The following LTBP2 variants were observed in gnomAD, a reference collection of about 807,000 sequenced individuals.
The protein encoded by LTBP2 is latent transforming growth factor beta binding protein 2.
In LTBP2, 103 loss-of-function variants were observed where a neutral mutation model predicts 210.6. The observed-to-expected ratio is 0.49, with a 90% CI of 0.42 to 0.58. LTBP2 has a LOEUF of 0.58. Among genes scored for constraint, LTBP2 ranks in the 20% least tolerant of loss-of-function variants. The pLI is 0.00. For missense variants in LTBP2, 2,313 were observed against 2,494.5 expected, an observed-to-expected ratio of 0.93 and a Z score of 1.55; for synonymous variants, 1,007 against 1,015.0, an observed-to-expected ratio of 0.99 and a Z score of 0.15.
chr14:74,553,598 T>A (rs1199078143), intron 4 of LTBP2, among the ~76,000 whole-genome samples: 1 of 152,064 alleles, frequency 6.6e-6, no homozygotes, highest in African/African-American at 2.4e-5. Context: ...AGAACAAGGA[T>A]CAGGCACTTT....
rs187052141 is a variant in LTBP2 at position 74,499,457 on chromosome 14, T to C, written c.*1427A>G. On this transcript the variant is annotated 3_prime_UTR_variant, in exon 36 of 36. Coordinates refer to ENST00000261978, the MANE Select transcript of LTBP2 (RefSeq NM_000428.3). ...CACATGGCAAGCATTCAATAAGTTATGTGATGGCTAACAATCAGAGGAGCA... is the reference window on the plus strand; with the variant it reads ...CACATGGCAAGCATTCAATAAGTTACGTGATGGCTAACAATCAGAGGAGCA... 134 of 227,632 alleles carry C rather than the reference T, an allele frequency of 5.9e-4. No individual in the cohort carries two copies. In the East Asian group the frequency reaches 7.7e-3, roughly 13 times the overall value. The allele number at this position is 227,632 out of a possible 1,614,324, so 14.1% of individuals were successfully genotyped here.
chr14:74,611,494 A>G lies in LTBP2; in HGVS notation c.451T>C (p.Ser151Pro). ...ALPRLGTPQR[S>P]GAAPPTPPRG... ...GGCGGGGTTGGGGGCGCAGCCCCAGACCGCTGTGGGGTCCCCAGGCGTGGG... is the reference window on the plus strand; with the variant it reads ...GGCGGGGTTGGGGGCGCAGCCCCAGGCCGCTGTGGGGTCCCCAGGCGTGGG... The change falls in exon 1 of 36, where the codon TCT (serine) becomes CCT (proline). Residue 151 changes from serine to proline, a missense_variant. Physicochemically the swap from Ser to Pro is moderately conservative, Grantham distance 74 (BLOSUM62 -1). Coordinates refer to ENST00000261978, the MANE Select transcript of LTBP2 (RefSeq NM_000428.3). 6.6e-7 allele frequency: 1 copy of G among 1,508,780 alleles called. No individual in the cohort carries two copies. The allele number at this position is 1,508,780 out of a possible 1,614,324, so 93.5% of individuals were successfully genotyped here.
intron 3 of LTBP2, among the ~76,000 whole-genome samples, chr14:74,561,021 A>T (rs1268598963): frequency 1.3e-5 from 2 of 152,218 alleles, no homozygotes; most frequent in African/African-American, 4.8e-5. Context: ...GCTGCTAAAA[A>T]AAATTTAAGA....
rs1293670032 is a variant in LTBP2, at chr14:74,498,592, A to C, written c.*2292T>G. On this transcript the variant is annotated 3_prime_UTR_variant, in exon 36 of 36. Coordinates refer to ENST00000261978, the MANE Select transcript of LTBP2 (RefSeq NM_000428.3). Reference sequence around the variant, plus strand: ...TGCTATTTGTATTTTAAACAAAGGAAATATGTATATATGCATACAATATCT... The same window carrying C: ...TGCTATTTGTATTTTAAACAAAGGACATATGTATATATGCATACAATATCT... 1 of 230,354 alleles carries C rather than the reference A, an allele frequency of 4.3e-6. No homozygotes were observed. Among genetic ancestry groups the C allele is most frequent in the Non-Finnish European group, 8.6e-6 (1 of 116,350 alleles). 14.3% of individuals were successfully genotyped at this position (230,354 alleles called of 1,614,324 possible). A position where few individuals can be genotyped will look rare whatever the true frequency, so the allele number is the denominator to read the frequency against.
At chr14:74,501,650 T>C in intron 34 of LTBP2, 60 bp from the exon 35 acceptor site, 1 of 1,607,124 alleles carries the variant, frequency 6.2e-7, no homozygotes, top group Non-Finnish European at 8.5e-7. Flanking sequence ...CTCTCCCTAA[T>C]GCTGGGACCC....
At chr14:74,560,974 G>A (rs1205403879) in intron 3 of LTBP2, among the ~76,000 whole-genome samples, 2 of 152,066 alleles carry the variant, frequency 1.3e-5, no homozygotes, top group Non-Finnish European at 2.9e-5. Flanking sequence ...TGTGGATATC[G>A]AGGGATGACT....
chr14:74,579,921 T>G (rs988540090), intron 3 of LTBP2, among the ~76,000 whole-genome samples: 1 of 152,168 alleles, frequency 6.6e-6, no homozygotes, highest in African/African-American at 2.4e-5. Flanking sequence ...TGTAGACAGC[T>G]AATTGACTCA....
intron 17 of LTBP2, 31 bp downstream of exon 17, chr14:74,521,880 C>T (rs1290316041): frequency 7.4e-6 from 12 of 1,613,288 alleles, no homozygotes; most frequent in Admixed American, 1.7e-5. Context: ...ACTGTGGGGC[C>T]TGGCCAAGGG....
At chr14:74,600,856 C>T (rs1431116539) in intron 2 of LTBP2, among the ~76,000 whole-genome samples, 4 of 152,324 alleles carry the variant, frequency 2.6e-5, no homozygotes, top group South Asian at 2.1e-4. Context: ...GGGCCAGCAG[C>T]GTCAGCGTTC....
chr14:74,552,620 T>C (rs970321497), intron 5 of LTBP2, among the ~76,000 whole-genome samples: 2 of 152,230 alleles, frequency 1.3e-5, no homozygotes, highest in African/African-American at 4.8e-5. Flanking sequence ...GGCGTTTCCC[T>C]GCACCCCACA....
At chr14:74,517,548 T>G in intron 17 of LTBP2, among the ~76,000 whole-genome samples, 1 of 152,106 alleles carries the variant, frequency 6.6e-6, no homozygotes. Flanking sequence ...TTTTTTTGTA[T>G]TTTTAGTAGA....
At position 74,552,174 on chromosome 14, in the gene LTBP2, T is replaced by G; in HGVS notation, c.1399+13A>C. 1.3e-6 allele frequency: 2 copies of G among 1,573,784 alleles called. No homozygotes were observed. Among genetic ancestry groups the G allele is most frequent in the Non-Finnish European group, 1.7e-6 (2 of 1,160,836 alleles). On this transcript the variant is annotated intron_variant, in intron 6 of 35. Coordinates refer to ENST00000261978, the MANE Select transcript of LTBP2 (RefSeq NM_000428.3). Reference sequence around the variant, plus strand: ...TCCCAGGGTCCCGCCGGCCCAGCTGTGCCGGCACTCACCCAGCTGGTTGGA... The same window carrying G: ...TCCCAGGGTCCCGCCGGCCCAGCTGGGCCGGCACTCACCCAGCTGGTTGGA...
intron 2 of LTBP2, among the ~76,000 whole-genome samples, chr14:74,592,095 G>A (rs968797141): frequency 2.6e-5 from 4 of 152,204 alleles, no homozygotes; most frequent in Non-Finnish European, 5.9e-5. Flanking sequence ...GGCAATCGTG[G>A]TTGTGTGTCC....
intron 3 of LTBP2, among the ~76,000 whole-genome samples, chr14:74,577,797 C>T (rs1463777271): frequency 2.6e-5 from 4 of 151,666 alleles, no homozygotes; most frequent in South Asian, 2.1e-4. Flanking sequence ...ATGGCCAGCG[C>T]GCCCAGCTGA....
intron 4 of LTBP2, among the ~76,000 whole-genome samples, chr14:74,553,996 T>C (rs564372423): frequency 7.1e-6 from 1 of 140,236 alleles, no homozygotes; most frequent in Non-Finnish European, 1.5e-5. Context: ...ATTGTACACG[T>C]TGAGGGGAAA....
chr14:74,574,662 T>C (rs1460502648), intron 3 of LTBP2, among the ~76,000 whole-genome samples: 2 of 152,152 alleles, frequency 1.3e-5, no homozygotes, highest in Non-Finnish European at 2.9e-5. Flanking sequence ...AGAAGGTGAA[T>C]AGCTCGTATC....
intron 10 of LTBP2, 111 bp downstream of exon 10, chr14:74,532,315 T>C (rs1182029646): frequency 1.4e-6 from 2 of 1,441,204 alleles, no homozygotes; most frequent in Admixed American, 3.4e-5. Flanking sequence ...GCCCTGAGCA[T>C]GGCGTGATCA....
chr14:74,539,341 G>A (rs1023832825), intron 8 of LTBP2, among the ~76,000 whole-genome samples: 1 of 151,500 alleles, frequency 6.6e-6, no homozygotes, highest in African/African-American at 2.4e-5. Context: ...GCTTCTCTAA[G>A]AGAGAGAGAG....
intron 17 of LTBP2, 152 bp from the exon 18 acceptor site, chr14:74,517,093 C>T: frequency 3.1e-6 from 3 of 976,216 alleles, no homozygotes; most frequent in Non-Finnish European, 4.7e-6. Flanking sequence ...GCCACAATTG[C>T]CTGGAGGGGC....
Sources: gnomAD v4.1 joint callset for allele counts (sites outside exome capture counted in the v4.1 genomes callset) on GRCh38, gnomAD v4.1.1 for gene constraint, MANE v1.5 for transcripts, NCBI Gene and HGNC (gene_info 2026-07-23, HGNC 2026-07-21) for gene names.